Variants in RGS12 observed in about 807,000 individuals in gnomAD.
RGS12 encodes the protein regulator of G protein signaling 12.
Under a neutral mutation model 120.1 loss-of-function variants are expected in RGS12, and 66 were observed. The ratio of observed to expected loss-of-function variants is 0.55; its 90% confidence interval spans 0.45 to 0.67. RGS12 has a LOEUF of 0.67. Among genes scored for constraint, RGS12 ranks in the 30% least tolerant of loss-of-function variants. RGS12 has a pLI of 0.00. For synonymous variants in RGS12, 827 were observed against 804.7 expected (o/e 1.03, Z -0.47); for missense variants, 1,859 against 1,957.7 (o/e 0.95, Z 0.95).
chr4:3,431,300 A>G (rs1724277437), intron 17 of RGS12: 1 of 1,139,926 alleles, frequency 8.8e-7, no homozygotes, highest in East Asian at 5.7e-5. Flanking sequence ...TTCCTTTCCA[A>G]ATCTGGACAG....
intron 1 of RGS12, among the ~76,000 whole-genome samples, chr4:3,309,427 G>T (rs1333184567): frequency 7.1e-5 from 10 of 141,120 alleles, no homozygotes; most frequent in Non-Finnish European, 1.4e-4. Flanking sequence ...GAGGGGAACC[G>T]TGCAGGGGAG....
At chr4:3,413,567 A>C (rs1265813187) in intron 4 of RGS12, 1 of 153,844 alleles carries the variant, frequency 6.5e-6, no homozygotes, top group Non-Finnish European at 1.4e-5. Flanking sequence ...TCCCGAGGGC[A>C]CCGTGGGTCA....
chr4:3,428,737 C>G, intron 16 of RGS12, 26 bp downstream of exon 16: 1 of 1,563,044 alleles, frequency 6.4e-7, no homozygotes, highest in Non-Finnish European at 8.6e-7. Context: ...AAAACTTCCA[C>G]GTTTTTAGTA....
At chr4:3,295,885 C>G (rs1191568585) in intron 1 of RGS12, among the ~76,000 whole-genome samples, 2 of 152,196 alleles carry the variant, frequency 1.3e-5, no homozygotes, top group Non-Finnish European at 2.9e-5. Context: ...TTTCCTATTG[C>G]TGTGTAACAA....
chr4:3,415,169 C>T (rs1448371236), intron 6 of RGS12, among the ~76,000 whole-genome samples: 2 of 115,658 alleles, frequency 1.7e-5, no homozygotes, highest in African/African-American at 3.4e-5. Context: ...GTGTGAGGGG[C>T]GTGTGTGATA....
At chr4:3,436,493 C>CG (rs1560185239) in intron 17 of RGS12, among the ~76,000 whole-genome samples, 1 of 152,020 alleles carries the variant, frequency 6.6e-6, no homozygotes, top group East Asian at 1.9e-4. Flanking sequence ...CGGGGTCCCT[C>CG]GGGGGGCAGG....
intron 17 of RGS12, among the ~76,000 whole-genome samples, chr4:3,436,167 C>G (rs1724788112): frequency 6.6e-6 from 1 of 152,160 alleles, no homozygotes; most frequent in Non-Finnish European, 1.5e-5. Context: ...TGGGGGTGCT[C>G]TCGTTCCCAT....
intron 3 of RGS12, 127 bp downstream of exon 3, chr4:3,343,180 C>A (rs1302136039): frequency 1.1e-5 from 7 of 645,534 alleles, no homozygotes; most frequent in Middle Eastern, 4.2e-4. Flanking sequence ...GTAGTGGTAA[C>A]CCCTGTTTTC....
At chr4:3,343,827 T>G (rs1169988413) in intron 3 of RGS12, among the ~76,000 whole-genome samples, 1 of 152,236 alleles carries the variant, frequency 6.6e-6, no homozygotes, top group East Asian at 1.9e-4. Flanking sequence ...TTTAAAATTT[T>G]ATACAGGTGC....
In RGS12 at chr4:3,372,921, G is replaced by A. The variant is rs1350616521; in HGVS notation, c.1999-13495G>A. On this transcript the variant is annotated intron_variant, in intron 3 of 17. Transcript: ENST00000336727. This position sits in a 1 kb window ranked among gnomAD's most constrained non-coding sequence, Gnocchi z 4.3. ...AAAAAGGGTTGCACTGTTTAAAAAC[G>A]TGGAATATTCTCTTGTAGGCAGTGT... is the stretch of plus-strand genomic sequence containing the variant. Among the ~76,000 whole-genome samples, 11 of 152,312 alleles carry A rather than the reference G, an allele frequency of 7.2e-5. No individual in the cohort carries two copies. Among genetic ancestry groups the A allele is most frequent in the African/African-American group, 2.4e-4 (10 of 41,558 alleles).
chr4:3,342,235 G>GA (rs1713308035), intron 2 of RGS12, among the ~76,000 whole-genome samples: 1 of 152,120 alleles, frequency 6.6e-6, no homozygotes, highest in African/African-American at 2.4e-5. Flanking sequence ...AAGTCCTCAG[G>GA]AAAGCAGAGC....
chr4:3,366,424 A>T lies in RGS12; in HGVS notation c.1999-19992A>T, dbSNP rs775088065. On this transcript the variant is annotated intron_variant, in intron 3 of 17. Coordinates refer to ENST00000336727, the MANE Select transcript of RGS12 (RefSeq NM_001394154.1). This position sits in a 1 kb window ranked among gnomAD's most constrained non-coding sequence, Gnocchi z 4.0. ...AGGGAGAGAATCAGGGCCTGTGCTC[A>T]TATCTGTGAGCTCTGCAGATGTCTC... Among the ~76,000 whole-genome samples, 4 of 152,066 alleles carry T rather than the reference A, an allele frequency of 2.6e-5. No homozygotes were observed. The highest frequency in any genetic ancestry group is 9.7e-5 in the African/African-American group (4 of 41,408).
chr4:3,316,242 G>A lies in RGS12; in HGVS notation c.72G>A (p.Glu24=). The part of the protein sequence containing the change: ...GPSPPRVRSV[E]VARGRAGYGF... Reference sequence around the variant, plus strand: ...CGCCCCCAAGGGTGCGGAGTGTGGAGGTTGCCCGGGGGAGGGCCGGCTACG... The same window carrying A: ...CGCCCCCAAGGGTGCGGAGTGTGGAAGTTGCCCGGGGGAGGGCCGGCTACG... Residue 24 remains glutamate (E), a synonymous_variant, in exon 2 of 18, where the codon GAG becomes GAA. Coordinates refer to ENST00000336727, the MANE Select transcript of RGS12 (RefSeq NM_001394154.1). 1.2e-6 allele frequency: 2 copies of A among 1,612,844 alleles called. No homozygotes were observed. The highest frequency in any genetic ancestry group is 1.7e-6 in the Non-Finnish European group (2 of 1,179,308).
Position 3,316,777 on chromosome 4 carries a change from A to G in RGS12, c.607A>G (p.Ile203Val). 6.2e-7 allele frequency: 1 copy of G among 1,614,244 alleles called. No homozygotes were observed. Residue 203 changes from isoleucine to valine, a missense_variant, in exon 2 of 18, where the codon ATT (isoleucine) becomes GTT (valine). Ile to Val is a conservative substitution (Grantham distance 29). Transcript: ENST00000336727. ...MLSKEEISKV[I>V]HDDSVFSIGL... ...TTCTAAGGAGGAAATATCAAAAGTT[A>G]TTCATGATGATTCGGTTTTCAGCAT...
chr4:3,308,720 C>T (rs755313563), intron 1 of RGS12, among the ~76,000 whole-genome samples: 15 of 152,240 alleles, frequency 9.9e-5, no homozygotes, highest in African/African-American at 2.4e-4. Flanking sequence ...TTTCATCTCC[C>T]TGCTCAGGGC....
At chr4:3,309,117 G>C (rs1724147105) in intron 1 of RGS12, among the ~76,000 whole-genome samples, 1 of 110,068 alleles carries the variant, frequency 9.1e-6, no homozygotes, top group Non-Finnish European at 1.9e-5. Flanking sequence ...CCGTGTTGAG[G>C]AGGAGCTGGG....
At chr4:3,376,514 C>T (rs1056484864) in intron 3 of RGS12, among the ~76,000 whole-genome samples, 5 of 152,222 alleles carry the variant, frequency 3.3e-5, no homozygotes, top group East Asian at 1.9e-4. Flanking sequence ...GGGGGAGACA[C>T]GTGCCCTCCA....
intron 2 of RGS12, among the ~76,000 whole-genome samples, chr4:3,331,457 C>G (rs1302299921): frequency 1.3e-5 from 2 of 152,032 alleles, no homozygotes; most frequent in Non-Finnish European, 2.9e-5. Context: ...TTAATAAGAA[C>G]AAAGTCGGTG....
intron 17 of RGS12, among the ~76,000 whole-genome samples, chr4:3,432,609 G>A (rs4690096): frequency 6.6e-6 from 1 of 152,066 alleles, no homozygotes; most frequent in Non-Finnish European, 1.5e-5. Flanking sequence ...GGTTTACAGC[G>A]CAGGCCCAGC....
Sources: gnomAD v4.1 joint callset for allele counts (sites outside exome capture counted in the v4.1 genomes callset) on GRCh38, gnomAD v4.1.1 for gene constraint, Gnocchi (gnomAD v3.1) non-coding constraint, MANE v1.5 for transcripts, NCBI Gene and HGNC (gene_info 2026-07-23, HGNC 2026-07-21) for gene names.